The following COX16 variants were observed in gnomAD, a reference collection of about 807,000 sequenced individuals.
COX16 encodes the protein cytochrome c oxidase assembly protein COX16 homolog, mitochondrial.
A neutral mutation model predicts 15.4 loss-of-function variants in COX16; 12 were observed. That is an observed-to-expected ratio of 0.78 (90% confidence interval 0.50 to 1.26). The LOEUF (loss-of-function observed/expected upper bound fraction) is 1.26, where lower values mean the gene tolerates loss of function less well. COX16 is among the 50% of genes most tolerant of loss of function. The pLI, the probability that COX16 is intolerant of heterozygous loss-of-function variation, is 0.00. For synonymous variants in COX16, 46 were observed against 41.1 expected (o/e 1.12, Z -0.46); for missense variants, 124 against 127.6 (o/e 0.97, Z 0.14).
intron 1 of COX16, among the ~76,000 whole-genome samples, chr14:70,345,259 C>A (rs763991972): frequency 6.6e-6 from 1 of 152,198 alleles, no homozygotes; most frequent in African/African-American, 2.4e-5. Context: ...TTCTCTGGTC[C>A]GAATATCCAG....
At chr14:70,345,518 A>C (rs1215145970) in intron 1 of COX16, among the ~76,000 whole-genome samples, 1 of 152,160 alleles carries the variant, frequency 6.6e-6, no homozygotes, top group Admixed American at 6.5e-5. Context: ...AAAACCTGCA[A>C]ACCTTAGGCC....
At chr14:70,353,616 T>A (rs1433973006) in intron 1 of COX16, among the ~76,000 whole-genome samples, 1 of 151,758 alleles carries the variant, frequency 6.6e-6, no homozygotes, top group Non-Finnish European at 1.5e-5. Flanking sequence ...CAGGCTCAAG[T>A]AATTCTCCCG....
chr14:70,329,748 G>A (rs189012881), intron 2 of COX16, among the ~76,000 whole-genome samples: 14 of 144,394 alleles, frequency 9.7e-5, no homozygotes, highest in African/African-American at 3.5e-4. Flanking sequence ...AATCCATAGA[G>A]GTAAAAAGGA....
chr14:70,340,815 A>C (rs1886602707), intron 2 of COX16, among the ~76,000 whole-genome samples: 1 of 152,194 alleles, frequency 6.6e-6, no homozygotes, highest in Non-Finnish European at 1.5e-5. Flanking sequence ...ATTCCTACTC[A>C]TTCTTAAAGC....
At position 70,338,254 on chromosome 14, in the gene COX16, G is replaced by A. The variant is rs371772564; in HGVS notation, c.141+4404C>T. 1.9e-4 allele frequency among the ~76,000 whole-genome samples: 29 copies of A among 152,162 alleles called. No individual in the cohort carries two copies. The East Asian group carries it at 3.5e-3, about 18-fold the overall frequency. On this transcript the variant is annotated intron_variant, in intron 2 of 3. Transcript: ENST00000389912. ...TCAGCCTCCGAGTAGCTGGGACTGCGGGCACGCACCACCACGCCTGGCTAC... is the reference window on the plus strand; with the variant it reads ...TCAGCCTCCGAGTAGCTGGGACTGCAGGCACGCACCACCACGCCTGGCTAC...
At chr14:70,344,909 G>A (rs529096064) in intron 1 of COX16, among the ~76,000 whole-genome samples, 2 of 152,264 alleles carry the variant, frequency 1.3e-5, no homozygotes, top group African/African-American at 2.4e-5. Flanking sequence ...ATCCTCACTT[G>A]GGGCTGATGC....
At chr14:70,327,592 T>C (rs1051808213) in intron 3 of COX16, among the ~76,000 whole-genome samples, 1 of 152,100 alleles carries the variant, frequency 6.6e-6, no homozygotes, top group Admixed American at 6.5e-5. Flanking sequence ...TCAACTAATT[T>C]AGCATACAAG....
At chr14:70,347,762 C>G (rs1378353726) in intron 1 of COX16, among the ~76,000 whole-genome samples, 1 of 152,102 alleles carries the variant, frequency 6.6e-6, no homozygotes, top group Non-Finnish European at 1.5e-5. Context: ...CCCATGAACC[C>G]GAGGGCTCAC....
intron 2 of COX16, among the ~76,000 whole-genome samples, chr14:70,333,167 A>G (rs1886344896): frequency 6.6e-6 from 1 of 152,202 alleles, no homozygotes; most frequent in Non-Finnish European, 1.5e-5. Context: ...AATGTGCACA[A>G]ACTGTCACAT....
intron 2 of COX16, among the ~76,000 whole-genome samples, chr14:70,340,645 T>C (rs1427662560): frequency 6.6e-6 from 1 of 152,208 alleles, no homozygotes; most frequent in Non-Finnish European, 1.5e-5. Context: ...CAGATCTCTT[T>C]ACTTCCAACC....
intron 1 of COX16, among the ~76,000 whole-genome samples, chr14:70,352,812 T>A (rs1449822600): frequency 6.6e-6 from 1 of 151,884 alleles, no homozygotes; most frequent in East Asian, 1.9e-4. Context: ...AGAAAAAATA[T>A]CCAGTAATGG....
chr14:70,345,067 G>A (rs1886735547), intron 1 of COX16, among the ~76,000 whole-genome samples: 1 of 152,142 alleles, frequency 6.6e-6, no homozygotes, highest in African/African-American at 2.4e-5. Flanking sequence ...GAGAGGTTCT[G>A]GTCCACGTCC....
intron 1 of COX16, among the ~76,000 whole-genome samples, chr14:70,353,257 C>G (rs373810781): frequency 7.9e-6 from 1 of 126,290 alleles, no homozygotes; most frequent in Non-Finnish European, 1.6e-5. Flanking sequence ...GAGACTCTGT[C>G]AAAAAAAAAA....
chr14:70,353,425 C>T (rs1253830876), intron 1 of COX16, among the ~76,000 whole-genome samples: 2 of 148,768 alleles, frequency 1.3e-5, no homozygotes, highest in Non-Finnish European at 3.0e-5. Flanking sequence ...TATATATACA[C>T]ACACATATAC....
At position 70,326,468 on chromosome 14, in the gene COX16, T is replaced by A. The variant is rs11621661; in HGVS notation, c.205-19A>T. On this transcript the variant is annotated intron_variant, in intron 3 of 3. Coordinates refer to ENST00000389912, the MANE Select transcript of COX16 (RefSeq NM_016468.7). ...TGATTTTCTATAGAACCACAAAAAA[T>A]TAAAGTATAAATATTAGTATAAGAG... 0.068 allele frequency: 105,163 copies of A among 1,553,934 alleles called. 3,930 individuals carry two copies. Among genetic ancestry groups the A allele is most frequent in the Middle Eastern group, 0.13 (751 of 5,664 alleles).
At chr14:70,341,857 G>A (rs1481686999) in intron 2 of COX16, among the ~76,000 whole-genome samples, 1 of 152,042 alleles carries the variant, frequency 6.6e-6, no homozygotes, top group Non-Finnish European at 1.5e-5. Flanking sequence ...TCATCTGTGT[G>A]TGTGTGAGTG....
intron 3 of COX16, among the ~76,000 whole-genome samples, 176 bp from the exon 4 acceptor site, chr14:70,326,625 A>G (rs1454434910): frequency 6.6e-6 from 1 of 152,016 alleles, no homozygotes; most frequent in African/African-American, 2.4e-5. Flanking sequence ...AAGATTTAGA[A>G]CTTTTCATTT....
intron 2 of COX16, among the ~76,000 whole-genome samples, chr14:70,339,090 T>C (rs1016803414): frequency 1.3e-5 from 2 of 152,204 alleles, no homozygotes; most frequent in Non-Finnish European, 2.9e-5. Context: ...ATGTTAAAAA[T>C]TAACACCATC....
At chr14:70,354,837 TGTGC>T (rs1052081927) in intron 1 of COX16, among the ~76,000 whole-genome samples, 1 of 90,220 alleles carries the variant, frequency 1.1e-5, no homozygotes, top group Non-Finnish European at 2.3e-5. Flanking sequence ...AGAGTGTGTG[TGTGC>T]GTGTGTGTGT....
Sources: allele counts gnomAD v4.1 joint callset (sites outside exome capture counted in the v4.1 genomes callset), GRCh38; gene constraint gnomAD v4.1.1; transcripts MANE v1.5; gene names NCBI Gene and HGNC (gene_info 2026-07-23, HGNC 2026-07-21).